The following RBFOX1 variants were observed in gnomAD, a reference collection of about 807,000 sequenced individuals.
The protein encoded by RBFOX1 is RNA binding protein fox-1 homolog 1.
In RBFOX1, 8 loss-of-function variants were observed where a neutral mutation model predicts 57.7. The observed-to-expected ratio is 0.14, with a 90% CI of 0.08 to 0.25. RBFOX1 has a LOEUF of 0.25. RBFOX1 is among the 10% of genes least tolerant of loss of function. The pLI is 1.00. For missense variants in RBFOX1, 611 were observed against 548.5 expected (o/e 1.11, Z -1.14); for synonymous variants, 326 against 222.4 (o/e 1.47, Z -4.15).
At chr16:6,391,065 T>C (rs1329623989) in intron 2 of RBFOX1, among the ~76,000 whole-genome samples, 2 of 152,152 alleles carry the variant, frequency 1.3e-5, no homozygotes, top group Non-Finnish European at 2.9e-5. Context: ...GTTGTGACAA[T>C]AAAAATGTCT....
chr16:6,811,146 C>G (rs1002677574), intron 3 of RBFOX1, among the ~76,000 whole-genome samples: 3 of 152,014 alleles, frequency 2.0e-5, no homozygotes, highest in African/African-American at 7.3e-5. Flanking sequence ...TCTAAGGCCT[C>G]CAATTCTGAA....
At chr16:6,756,276 G>T (rs964590869) in intron 3 of RBFOX1, among the ~76,000 whole-genome samples, 1 of 152,118 alleles carries the variant, frequency 6.6e-6, no homozygotes, top group Admixed American at 6.5e-5. Flanking sequence ...TCCGTATGTA[G>T]AAGAGTGAAA....
At chr16:7,470,791 G>C (rs2061420065) in intron 4 of RBFOX1, among the ~76,000 whole-genome samples, 1 of 152,128 alleles carries the variant, frequency 6.6e-6, no homozygotes, top group African/African-American at 2.4e-5. Context: ...GATCTCACTG[G>C]GGTGGTCATG....
intron 4 of RBFOX1, among the ~76,000 whole-genome samples, chr16:7,111,614 G>T (rs1378461542): frequency 1.3e-5 from 2 of 152,126 alleles, no homozygotes; most frequent in African/African-American, 4.8e-5. Flanking sequence ...AGTATCCTGG[G>T]AGTCTTAGGA....
intron 1 of RBFOX1, among the ~76,000 whole-genome samples, chr16:5,331,834 G>C (rs2064765356): frequency 6.6e-6 from 1 of 152,224 alleles, no homozygotes; most frequent in African/African-American, 2.4e-5. Context: ...CTCATGGCTG[G>C]TGACCATGCC....
At chr16:7,166,304 G>T (rs371999183) in intron 4 of RBFOX1, among the ~76,000 whole-genome samples, 177 of 152,166 alleles carry the variant, frequency 1.2e-3, no homozygotes, top group African/African-American at 3.9e-3. Flanking sequence ...GTGAACCACC[G>T]CACCCGGCCG....
At chr16:6,121,081 T>G (rs2152633569) in intron 1 of RBFOX1, among the ~76,000 whole-genome samples, 1 of 152,368 alleles carries the variant, frequency 6.6e-6, no homozygotes, top group Non-Finnish European at 1.5e-5. Flanking sequence ...AACCATATCT[T>G]GATAACAAAT....
chr16:6,095,414 G>T (rs967311483), intron 1 of RBFOX1, among the ~76,000 whole-genome samples: 1 of 152,170 alleles, frequency 6.6e-6, no homozygotes. Context: ...TGCACTTTCT[G>T]TGGAGCTGAT....
At chr16:6,032,525 A>G (rs1451286317) in intron 1 of RBFOX1, among the ~76,000 whole-genome samples, 1 of 152,196 alleles carries the variant, frequency 6.6e-6, no homozygotes, top group Non-Finnish European at 1.5e-5. Context: ...GGTGGAGCCT[A>G]CTGGGGAATC....
chr16:6,962,325 G>C (rs756935164), intron 3 of RBFOX1, among the ~76,000 whole-genome samples: 1 of 152,108 alleles, frequency 6.6e-6, no homozygotes, highest in Non-Finnish European at 1.5e-5. Flanking sequence ...GAGATCCTTA[G>C]CTTAATGACA....
chr16:7,641,629 G>A lies in RBFOX1; in HGVS notation c.757+10946G>A, dbSNP rs533467271. Reference sequence around the variant, plus strand: ...CCTACCCTTACTATTTGCTACAGGAGTCTCAAACATTTCCAGAAGATCATT... The same window carrying A: ...CCTACCCTTACTATTTGCTACAGGAATCTCAAACATTTCCAGAAGATCATT... On this transcript the variant is annotated intron_variant, in intron 11 of 15. Coordinates refer to ENST00000550418, the MANE Select transcript of RBFOX1 (RefSeq NM_018723.4). Among the ~76,000 whole-genome samples the A allele has an allele frequency of 3.9e-5, 6 of 152,288 alleles. No homozygotes were observed. The South Asian group carries it at 1.2e-3, about 32-fold the overall frequency.
intron 10 of RBFOX1, among the ~76,000 whole-genome samples, chr16:7,628,247 G>T (rs1015717333): frequency 6.6e-6 from 1 of 152,162 alleles, no homozygotes; most frequent in Non-Finnish European, 1.5e-5. Flanking sequence ...GTGCACAGGA[G>T]AGAAGGTTGA....
chr16:5,252,701 A>G lies in RBFOX1; in HGVS notation c.219+12596A>G, dbSNP rs573959450. Among the ~76,000 whole-genome samples, 7 of 152,320 alleles carry G rather than the reference A, an allele frequency of 4.6e-5. No individual in the cohort carries two copies. The East Asian group carries it at 1.4e-3, about 29-fold the overall frequency. ...CTCTCCAAATACGGTGGCAAGAGCT[A>G]TCCCATCCGCCCCCATCTGGAGCTC... On this transcript the variant is annotated intron_variant, in intron 1 of 2. Transcript: ENST00000585867.
intron 4 of RBFOX1, among the ~76,000 whole-genome samples, chr16:7,343,229 G>A (rs539737711): frequency 2.6e-5 from 4 of 152,290 alleles, no homozygotes; most frequent in East Asian, 3.9e-4. Context: ...AGTGCCAGCC[G>A]TCACTGGGCA....
Position 6,367,497 on chromosome 16 carries a change from C to G in RBFOX1, c.-64+50440C>G, listed in dbSNP as rs149149211. ...ATATTGGTCAGGCTGGCCCCGAACTCCTGACCTCATGATCCACCCATCTCG... is the reference window on the plus strand; with the variant it reads ...ATATTGGTCAGGCTGGCCCCGAACTGCTGACCTCATGATCCACCCATCTCG... On this transcript the variant is annotated intron_variant, in intron 2 of 15. Transcript: ENST00000550418. Among the ~76,000 whole-genome samples, 1,275 of 152,224 alleles carry G rather than the reference C, an allele frequency of 8.4e-3. 22 individuals carry two copies. Among genetic ancestry groups the G allele is most frequent in the African/African-American group, 0.029 (1,200 of 41,548 alleles).
chr16:7,540,994 G>C (rs1601352314), intron 5 of RBFOX1, among the ~76,000 whole-genome samples: 2 of 152,158 alleles, frequency 1.3e-5, no homozygotes, highest in Admixed American at 1.3e-4. Flanking sequence ...CTCTCTCAGA[G>C]GTTCAAGTGA....
At chr16:6,257,420 TTC>T (rs2097674874) in intron 1 of RBFOX1, among the ~76,000 whole-genome samples, 6 of 150,316 alleles carry the variant, frequency 4.0e-5, no homozygotes, top group South Asian at 2.1e-4. Context: ...TTTCTTCTTC[TTC>T]TTTTTTTTTA....
chr16:6,013,711 C>T (rs1340694802), intron 4 of RBFOX1, among the ~76,000 whole-genome samples: 1 of 152,118 alleles, frequency 6.6e-6, no homozygotes, highest in African/African-American at 2.4e-5. Flanking sequence ...TTTTTTATGG[C>T]TGCATAGTAT....
intron 3 of RBFOX1, among the ~76,000 whole-genome samples, chr16:5,714,779 T>A (rs1333822292): frequency 6.6e-6 from 1 of 152,226 alleles, no homozygotes; most frequent in Non-Finnish European, 1.5e-5. Context: ...ACTATAATCA[T>A]ATCAGCCTCG....
Sources: gnomAD v4.1 joint callset for allele counts (sites outside exome capture counted in the v4.1 genomes callset) on GRCh38, gnomAD v4.1.1 for gene constraint, MANE v1.5 for transcripts, NCBI Gene and HGNC (gene_info 2026-07-23, HGNC 2026-07-21) for gene names.